LTN1: variants seen among roughly 807,000 people sequenced by gnomAD.
LTN1 encodes E3 ubiquitin-protein ligase listerin.
LTN1 carries 88 observed loss-of-function variants against 201.2 expected under a neutral mutation model. The observed-to-expected ratio is 0.44, with a 90% confidence interval of 0.37 to 0.52. The LOEUF (loss-of-function observed/expected upper bound fraction) is 0.52. Among genes scored for constraint, LTN1 ranks in the 20% least tolerant of loss-of-function variants. The pLI is 0.00. For synonymous variants in LTN1, 645 were observed against 713.5 expected, an observed-to-expected ratio of 0.90 and a Z score of 1.53; for missense variants, 1,752 against 2,038.7, an observed-to-expected ratio of 0.86 and a Z score of 2.71.
chr21:28,972,605 C>T (rs2084583997), intron 6 of LTN1, among the ~76,000 whole-genome samples: 1 of 151,878 alleles, frequency 6.6e-6, no homozygotes, highest in Admixed American at 6.6e-5. Context: ...GAAGACCGAG[C>T]AAAAGAAATT....
At chr21:28,943,565 T>C in intron 23 of LTN1, 102 bp downstream of exon 23, 1 of 933,408 alleles carries the variant, frequency 1.1e-6, no homozygotes. Context: ...TCAGATCTCC[T>C]TCTTTTAAAA....
intron 8 of LTN1, among the ~76,000 whole-genome samples, chr21:28,969,834 A>T (rs1450767259): frequency 6.6e-6 from 1 of 152,144 alleles, no homozygotes; most frequent in African/African-American, 2.4e-5. Context: ...AAAATAAGAG[A>T]ATATTTCCTT....
chr21:28,943,289 T>G lies in LTN1; in HGVS notation c.4268A>C (p.Tyr1423Ser). Residue 1423 changes from tyrosine to serine, a missense_variant, in exon 24 of 30, where the codon TAC becomes TCC. Coordinates refer to ENST00000361371, the MANE Select transcript of LTN1 (RefSeq NM_015565.3). Reference sequence around the variant, plus strand: ...GGCTGGCTCTTCTTCTTCATCTCCGTATGACTTTAGATTATCCTGATCATA... The same window carrying G: ...GGCTGGCTCTTCTTCTTCATCTCCGGATGACTTTAGATTATCCTGATCATA... The part of the protein sequence containing the change: ...PQYDQDNLKS[Y>S]GDEEEEPALS... 1 of 1,603,978 alleles carries G rather than the reference T, an allele frequency of 6.2e-7. No individual in the cohort carries two copies. The highest frequency in any genetic ancestry group is 8.5e-7 in the Non-Finnish European group (1 of 1,173,238).
intron 4 of LTN1, 30 bp from the exon 5 acceptor site, chr21:28,982,398 G>C: frequency 6.4e-7 from 1 of 1,571,292 alleles, no homozygotes; most frequent in Non-Finnish European, 8.8e-7. Context: ...CAAAGCCTTT[G>C]GTTTTACTGA....
chr21:28,963,929 A>T (rs2084500197), intron 11 of LTN1, among the ~76,000 whole-genome samples: 1 of 152,222 alleles, frequency 6.6e-6, no homozygotes, highest in Non-Finnish European at 1.5e-5. Flanking sequence ...AAAGAGGCAA[A>T]GAACTAGAAT....
chr21:28,958,575 A>C (rs1226747528), intron 13 of LTN1, 36 bp from the exon 14 acceptor site: 707 of 1,428,864 alleles, frequency 4.9e-4, no homozygotes, highest in Non-Finnish European at 6.2e-4. Flanking sequence ...TTGTAATCTC[A>C]CTGAATTAAC....
rs752288342 is a variant in LTN1 at position 28,984,839 on chromosome 21, G to A, written c.429C>T (p.Tyr143=). The A allele has an allele frequency of 1.2e-6, 2 of 1,614,082 alleles. No individual in the cohort carries two copies. The highest frequency in any genetic ancestry group is 1.7e-6 in the Non-Finnish European group (2 of 1,179,980). ...GCCAATATCCCATTAAACTTTTTAA[G>A]TAGGGAGCCAACTGTTTCTTTACTT... ...ILKVKKQLAP[Y]LKSLMGYWLM... is the part of the protein sequence containing the mutation. The change falls in exon 4 of 30, where the codon TAC becomes TAT. Residue 143 remains tyrosine, a synonymous_variant. Coordinates refer to ENST00000361371, the MANE Select transcript of LTN1 (RefSeq NM_015565.3).
Position 28,945,796 on chromosome 21 carries a change from G to A in LTN1, c.3768+11C>T, listed in dbSNP as rs1023850290. 76 of 1,610,494 alleles carry A rather than the reference G, an allele frequency of 4.7e-5. No individual in the cohort carries two copies. The highest frequency in any genetic ancestry group is 6.5e-5 in the Non-Finnish European group (76 of 1,178,148). ...ACCCACAAGAGGTGATGACATATCG[G>A]GTTAATTTACCTCCAACCAAGCCAA... is the stretch of plus-strand genomic sequence containing the variant. On this transcript the variant is annotated intron_variant, in intron 21 of 29. Transcript: ENST00000361371.
intron 11 of LTN1, among the ~76,000 whole-genome samples, chr21:28,962,314 T>G (rs1057342293): frequency 5.3e-5 from 8 of 152,264 alleles, no homozygotes; most frequent in Non-Finnish European, 1.0e-4. Flanking sequence ...GTGGCAACCC[T>G]GCATTGAGCA....
At chr21:28,971,202 A>T in intron 7 of LTN1, 69 bp downstream of exon 7, 2 of 1,251,362 alleles carry the variant, frequency 1.6e-6, no homozygotes. Flanking sequence ...GCATTTTCCC[A>T]GTAAGTTTTG....
At chr21:28,933,450 T>A (rs2084227283) in intron 27 of LTN1, among the ~76,000 whole-genome samples, 1 of 152,206 alleles carries the variant, frequency 6.6e-6, no homozygotes, top group Admixed American at 6.5e-5. Flanking sequence ...ATCATGCTAC[T>A]GCCTGAATGA....
chr21:28,989,005 T>C (rs527805810), intron 1 of LTN1, among the ~76,000 whole-genome samples: 52 of 151,876 alleles, frequency 3.4e-4, no homozygotes, highest in African/African-American at 1.1e-3. Flanking sequence ...GGCTACTCCA[T>C]AGGCAAAGCA....
intron 21 of LTN1, among the ~76,000 whole-genome samples, chr21:28,945,273 T>G (rs971512700): frequency 6.6e-6 from 1 of 152,016 alleles, no homozygotes; most frequent in Non-Finnish European, 1.5e-5. Context: ...CTCAAATAGT[T>G]TAAGTTTAAA....
intron 1 of LTN1, 91 bp downstream of exon 1, chr21:28,992,673 C>A: frequency 2.7e-6 from 4 of 1,461,226 alleles, no homozygotes; most frequent in Non-Finnish European, 3.8e-6. Flanking sequence ...CTCCCTACAG[C>A]CGCGCTCCAC....
intron 11 of LTN1, among the ~76,000 whole-genome samples, chr21:28,963,115 T>C (rs376101111): frequency 1.3e-4 from 20 of 152,360 alleles, no homozygotes; most frequent in African/African-American, 4.8e-4. Flanking sequence ...AGTGCTGATG[T>C]AGAAGCTGCA....
Position 28,966,779 on chromosome 21 carries a change from T to G in LTN1, c.1712A>C (p.Glu571Ala). Residue 571 changes from glutamate to alanine, a missense_variant, in exon 10 of 30, where the codon GAA (glutamate) becomes GCA (alanine). Physicochemically the swap from Glu to Ala is moderately radical, Grantham distance 107. This residue lies in a region of LTN1 where 1,211 missense variants were observed against 1,312.8 expected (regional missense o/e 0.92). Coordinates refer to ENST00000361371, the MANE Select transcript of LTN1 (RefSeq NM_015565.3). ...TGAAGAATTATGAGTGAGAGAAGGT[T>G]CAGTTGTTAATTCCCAGCCTTCAAT... is the stretch of plus-strand genomic sequence containing the variant. Reference protein sequence around the residue: ...EKIEGWELTTEPSLTHNSSGL... With the variant: ...EKIEGWELTTAPSLTHNSSGL... The G allele has an allele frequency of 2.5e-6, 4 of 1,613,840 alleles. No individual in the cohort carries two copies. Among genetic ancestry groups the G allele is most frequent in the Non-Finnish European group, 2.5e-6 (3 of 1,179,952 alleles).
At position 28,953,259 on chromosome 21, in the gene LTN1, A is replaced by G. The variant is rs764800659; in HGVS notation, c.3197T>C (p.Val1066Ala). The change falls in exon 17 of 30, where the codon GTA becomes GCA. Residue 1066 changes from valine to alanine, a missense_variant. Transcript: ENST00000361371. ...KMNITYDNLR[V>A]LGNTSGLLQL... ...CAAAAGGCCCGACGTATTACCAAGT[A>G]CACGTAAGTTATCATACGTAATATT... The G allele has an allele frequency of 1.3e-6, 2 of 1,596,246 alleles. No homozygotes were observed. The highest frequency in any genetic ancestry group is 1.7e-6 in the Non-Finnish European group (2 of 1,175,278).
intron 23 of LTN1, 120 bp downstream of exon 23, chr21:28,943,547 T>G (rs1215930925): frequency 3.1e-5 from 24 of 782,682 alleles, no homozygotes; most frequent in Non-Finnish European, 4.7e-5. Flanking sequence ...TCCCTATAAG[T>G]GAAGCAGTCA....
chr21:28,941,772 A>C (rs2084299514), intron 24 of LTN1, among the ~76,000 whole-genome samples: 1 of 152,192 alleles, frequency 6.6e-6, no homozygotes, highest in African/African-American at 2.4e-5. Flanking sequence ...AGACAAAGTG[A>C]AGATTAAGAC....
Sources: allele counts gnomAD v4.1 joint callset (sites outside exome capture counted in the v4.1 genomes callset), GRCh38; gene constraint gnomAD v4.1.1; regional missense constraint gnomAD v4.1.1; transcripts MANE v1.5; gene names NCBI Gene and HGNC (gene_info 2026-07-23, HGNC 2026-07-21).